MTA2: variants seen among roughly 807,000 people sequenced by gnomAD.
The protein encoded by MTA2 is metastasis-associated protein MTA2.
In MTA2, 22 loss-of-function variants were observed where a neutral mutation model predicts 87.1. That is an observed-to-expected ratio of 0.25 (90% CI 0.18 to 0.36). MTA2 has a LOEUF of 0.36. Among genes scored for constraint, MTA2 ranks in the 10% least tolerant of loss-of-function variants. The probability of loss-of-function intolerance (pLI) is 1.00; values close to 1 mark genes in which losing one functional copy is unlikely to be tolerated. For synonymous variants in MTA2, 314 were observed against 310.1 expected, an observed-to-expected ratio of 1.01 and a Z score of -0.13; for missense variants, 542 against 853.2, an observed-to-expected ratio of 0.64 and a Z score of 4.54.
rs200572464 is a variant in MTA2 at position 62,595,896 on chromosome 11, A to C, written c.1115-5T>G. 5.9e-4 allele frequency: 959 copies of C among 1,614,028 alleles called. 3 individuals carry two copies. Among genetic ancestry groups the C allele is most frequent in the Non-Finnish European group, 6.6e-4 (783 of 1,180,030 alleles). ...ACCACTGAGCAGACTGTGTGGCTGT[A>C]GAGTACGGAGAGGAGGGGGACAGGG... On this transcript the variant is annotated splice_polypyrimidine_tract_variant and splice_region_variant and intron_variant, in intron 12 of 17. Transcript: ENST00000278823. The surrounding 1 kb of genome is among the most constrained non-coding windows in gnomAD (Gnocchi z 4.9).
Position 62,594,021 on chromosome 11 carries a change from T to G in MTA2, c.1861A>C (p.Thr621Pro), listed in dbSNP as rs1453404836. ...GCAGCTCGCCGCATTTCCAGATGGG[T>G]CAGAGCCTTCCGTAGGGCCCTGGCC... ...KDTRALRKALTHLEMRRAARR... is the reference protein window; with the variant it reads ...KDTRALRKALPHLEMRRAARR... The change falls in exon 18 of 18, where the codon ACC becomes CCC. Residue 621 changes from threonine (T) to proline (P), a missense_variant. Coordinates refer to ENST00000278823, the MANE Select transcript of MTA2 (RefSeq NM_004739.4). 31 of 1,608,490 alleles carry G rather than the reference T, an allele frequency of 1.9e-5. No individual in the cohort carries two copies. The highest frequency in any genetic ancestry group is 3.4e-5 in the Admixed American group (2 of 59,388).
At chr11:62,597,238 AC>A (rs779864386) in intron 8 of MTA2, 77 bp downstream of exon 8, 1 of 960,280 alleles carries the variant, frequency 1.0e-6, no homozygotes, top group Non-Finnish European at 1.6e-6. Context: ...CCTCAGAGAT[AC>A]CCTCCTCTTC....
Position 62,594,253 on chromosome 11 carries a change from C to G in MTA2, c.1841+6G>C, listed in dbSNP as rs776370636. ...CTCTCAGCCCCTCCCATGGTAGACG[C>G]CTTACCTGGTATCCTTTGTGGCCAC... On this transcript the variant is annotated splice_donor_region_variant and intron_variant, in intron 17 of 17. Transcript: ENST00000278823. The G allele has an allele frequency of 2.5e-6, 4 of 1,614,158 alleles. No homozygotes were observed. The highest frequency in any genetic ancestry group is 4.5e-5 in the East Asian group (2 of 44,888).
At chr11:62,599,869 CA>C (rs1565045978) in intron 3 of MTA2, among the ~76,000 whole-genome samples, 1 of 152,200 alleles carries the variant, frequency 6.6e-6, no homozygotes, top group Non-Finnish European at 1.5e-5. Context: ...CAATGTACCC[CA>C]AACTGCCCCC....
At chr11:62,601,307 G>A (rs1411678096) in intron 1 of MTA2, 116 bp downstream of exon 1, 6 of 1,320,494 alleles carry the variant, frequency 4.5e-6, no homozygotes, top group South Asian at 1.3e-5. Flanking sequence ...TCCGGTCCGC[G>A]CTCCGGTCCA....
At chr11:62,597,549 G>A (rs1270863992) in intron 7 of MTA2, 61 bp downstream of exon 7, 2 of 1,526,460 alleles carry the variant, frequency 1.3e-6, no homozygotes, top group African/African-American at 1.4e-5. Flanking sequence ...TAAGAACCAT[G>A]GGACTCAGAA....
In MTA2 at chr11:62,595,426, C is replaced by T. The variant is rs769924403; in HGVS notation, c.1321G>A (p.Ala441Thr). The part of the protein sequence containing the change: ...AQSLSPYTTS[A>T]NRAKLLAKNR... ...TTAGCCAGTAGCTTGGCCCTGTTGG[C>T]GCTGGTTGTGTAAGGAGAGAGACTT... Residue 441 changes from alanine to threonine, a missense_variant, in exon 14 of 18, where the codon GCC (alanine) becomes ACC (threonine). Ala to Thr is a moderately conservative substitution (Grantham distance 58). Around this residue, in one of 6 missense-constraint regions of MTA2, gnomAD observed 269 missense variants for 346.4 expected, o/e 0.78. Coordinates refer to ENST00000278823, the MANE Select transcript of MTA2 (RefSeq NM_004739.4). This position sits in a 1 kb window ranked among gnomAD's most constrained non-coding sequence, Gnocchi z 4.9. The T allele has an allele frequency of 3.7e-6, 6 of 1,614,164 alleles. No homozygotes were observed. Among genetic ancestry groups the T allele is most frequent in the Middle Eastern group, 1.6e-4 (1 of 6,062 alleles).
intron 6 of MTA2, 36 bp from the exon 7 acceptor site, chr11:62,597,748 G>A (rs1590731347): frequency 3.9e-6 from 6 of 1,556,012 alleles, no homozygotes; most frequent in South Asian, 1.1e-5. Flanking sequence ...CAGGGAGAGG[G>A]CAGGGGGGAA....
At chr11:62,596,594 C>G in intron 9 of MTA2, 43 bp downstream of exon 9, 1 of 1,611,860 alleles carries the variant, frequency 6.2e-7, no homozygotes, top group East Asian at 2.2e-5. Context: ...GGTTCCCTCA[C>G]CTGTCATCTC....
In MTA2 at chr11:62,593,789, C is replaced by A; in HGVS notation, c.*86G>T. 1.3e-6 allele frequency: 2 copies of A among 1,535,640 alleles called. No individual in the cohort carries two copies. The highest frequency in any genetic ancestry group is 1.2e-5 in the South Asian group (1 of 86,608). ...TCTCTTCCTTAATTCACTCCTCACT[C>A]CCTTCGACACGAAAGGGAAGGGAGG... On this transcript the variant is annotated 3_prime_UTR_variant, in exon 18 of 18. Transcript: ENST00000278823.
Position 62,595,118 on chromosome 11 carries a change from T to C in MTA2, c.1484-48A>G. The C allele has an allele frequency of 6.3e-7, 1 of 1,590,642 alleles. No homozygotes were observed. The highest frequency in any genetic ancestry group is 1.1e-5 in the South Asian group (1 of 89,780). ...TCTGAAGGGCTTCACCATTCAGGTC[T>C]CCTCTAAGGCCAGAAGCCAACTCTA... On this transcript the variant is annotated intron_variant, in intron 14 of 17. Coordinates refer to ENST00000278823, the MANE Select transcript of MTA2 (RefSeq NM_004739.4). This position sits in a 1 kb window ranked among gnomAD's most constrained non-coding sequence, Gnocchi z 4.9.
intron 1 of MTA2, chr11:62,600,952 CCCA>C (rs777286899): frequency 2.0e-6 from 1 of 509,228 alleles, no homozygotes; most frequent in East Asian, 3.5e-5. Context: ...CCCTGCAGTC[CCCA>C]CAACTCAGCG....
rs752163071 is a variant in MTA2, at chr11:62,601,480, C to G, written c.-30G>C. On this transcript the variant is annotated 5_prime_UTR_variant, in exon 1 of 18. Transcript: ENST00000278823. ...GTTCCCGCCGCCGCCTCCGGCCGCA[C>G]AAAGGGGTCCGGGAGGCTCGCGGGG... 1.2e-6 allele frequency: 2 copies of G among 1,604,844 alleles called. No homozygotes were observed. The highest frequency in any genetic ancestry group is 1.7e-6 in the Non-Finnish European group (2 of 1,176,716).
Position 62,601,858 on chromosome 11 carries a change from G to C in MTA2, c.-408C>G, listed in dbSNP as rs1348069022. 2.0e-6 allele frequency: 1 copy of C among 495,194 alleles called. No individual in the cohort carries two copies. The highest frequency in any genetic ancestry group is 3.5e-6 in the Non-Finnish European group (1 of 283,888). The allele number at this position is 495,194 out of a possible 1,614,324, so 30.7% of individuals were successfully genotyped here. On this transcript the variant is annotated 5_prime_UTR_variant, in exon 1 of 18. Transcript: ENST00000278823. The stretch of plus-strand genomic sequence containing the variant: ...CACCTTCGGCCGATCCGGAGAACAA[G>C]GCCCACTGCTCGGCTCAGGTCGGAG...
intron 4 of MTA2, 51 bp downstream of exon 4, chr11:62,598,471 C>A: frequency 6.2e-7 from 1 of 1,607,494 alleles, no homozygotes; most frequent in Non-Finnish European, 8.5e-7. Context: ...TCCTTCTCTC[C>A]ATCTTCTACG....
At position 62,594,260 on chromosome 11, in the gene MTA2, T is replaced by A. The variant is rs759371856; in HGVS notation, c.1840A>T (p.Arg614Trp). 4 of 1,614,038 alleles carry A rather than the reference T, an allele frequency of 2.5e-6. No homozygotes were observed. The highest frequency in any genetic ancestry group is 3.4e-6 in the Non-Finnish European group (4 of 1,180,030). Residue 614 changes from arginine (R) to tryptophan (W), a missense_variant and splice_region_variant, in exon 17 of 18, where the codon AGG becomes TGG. Physicochemically the swap from Arg to Trp is moderately radical, Grantham distance 101. Coordinates refer to ENST00000278823, the MANE Select transcript of MTA2 (RefSeq NM_004739.4). ...PVVFVATKDTRALRKALTHLE... is the reference protein window; with the variant it reads ...PVVFVATKDTWALRKALTHLE... ...CCCCTCCCATGGTAGACGCCTTACC[T>A]GGTATCCTTTGTGGCCACAAACACC... is the stretch of plus-strand genomic sequence containing the variant.
Position 62,595,962 on chromosome 11 carries a change from A to G in MTA2, c.1114+48T>C. The G allele has an allele frequency of 6.2e-7, 1 of 1,614,086 alleles. No homozygotes were observed. Among genetic ancestry groups the G allele is most frequent in the Non-Finnish European group, 8.5e-7 (1 of 1,179,944 alleles). Reference sequence around the variant, plus strand: ...TAAGCCCCTCAGATTCTTGAGCCACAGCAGGCCTTCCACCCATCCCCACCA... The same window carrying G: ...TAAGCCCCTCAGATTCTTGAGCCACGGCAGGCCTTCCACCCATCCCCACCA... On this transcript the variant is annotated intron_variant, in intron 12 of 17. Coordinates refer to ENST00000278823, the MANE Select transcript of MTA2 (RefSeq NM_004739.4). This position sits in a 1 kb window ranked among gnomAD's most constrained non-coding sequence, Gnocchi z 4.9.
intron 4 of MTA2, 34 bp downstream of exon 4, chr11:62,598,488 C>T: frequency 6.2e-7 from 1 of 1,608,414 alleles, no homozygotes; most frequent in Non-Finnish European, 8.5e-7. Flanking sequence ...TACGTAAGTG[C>T]ACGCAGGCTA....
Position 62,601,217 on chromosome 11 carries a change from C to T in MTA2, c.28+206G>A, listed in dbSNP as rs1942188648. The T allele has an allele frequency of 8.0e-6, 5 of 624,794 alleles. No individual in the cohort carries two copies. In the South Asian group the frequency reaches 1.0e-4, roughly 13 times the overall value. 38.7% of individuals were successfully genotyped at this position (624,794 alleles called of 1,614,324 possible). The stretch of plus-strand genomic sequence containing the variant: ...CCCCGAAAGTGCCGTCGGGGCTGCC[C>T]GCAGCTTCTCTCTGGGAGTCTCGGA... On this transcript the variant is annotated intron_variant, in intron 1 of 17. Coordinates refer to ENST00000278823, the MANE Select transcript of MTA2 (RefSeq NM_004739.4).
Sources: allele counts gnomAD v4.1 joint callset (sites outside exome capture counted in the v4.1 genomes callset), GRCh38; gene constraint gnomAD v4.1.1; regional missense constraint gnomAD v4.1.1; non-coding constraint Gnocchi (gnomAD v3.1); transcripts MANE v1.5; gene names NCBI Gene and HGNC (gene_info 2026-07-23, HGNC 2026-07-21).